The following CLSTN2 variants were observed in gnomAD, a reference collection of about 807,000 sequenced individuals.
CLSTN2 encodes calsyntenin 2.
CLSTN2 carries 48 observed loss-of-function variants against 101.2 expected under a neutral mutation model. The ratio of observed to expected loss-of-function variants is 0.47; its 90% CI spans 0.38 to 0.60. The LOEUF is 0.60. CLSTN2 is among the 20% of genes least tolerant of loss of function. CLSTN2 has a pLI of 0.00. For missense variants in CLSTN2, 1,160 were observed against 1,238.2 expected, an observed-to-expected ratio of 0.94 and a Z score of 0.95; for synonymous variants, 481 against 463.6, an observed-to-expected ratio of 1.04 and a Z score of -0.48.
intron 2 of CLSTN2, among the ~76,000 whole-genome samples, chr3:140,395,710 T>G (rs2088174634): frequency 6.6e-6 from 1 of 152,212 alleles, no homozygotes; most frequent in Non-Finnish European, 1.5e-5. Context: ...ATTCTGGACA[T>G]GATTACCTCT....
chr3:139,972,591 T>C (rs1415903857), intron 1 of CLSTN2, among the ~76,000 whole-genome samples: 1 of 152,170 alleles, frequency 6.6e-6, no homozygotes, highest in Non-Finnish European at 1.5e-5. Context: ...AGTTATTCAA[T>C]GGCTTATAAG....
chr3:140,444,693 C>T (rs1464044432), intron 5 of CLSTN2, among the ~76,000 whole-genome samples: 2 of 152,076 alleles, frequency 1.3e-5, no homozygotes, highest in African/African-American at 4.8e-5. Context: ...ACTGAAATGA[C>T]TCTGCATGTA....
intron 2 of CLSTN2, among the ~76,000 whole-genome samples, chr3:140,287,121 T>G (rs1286691705): frequency 6.6e-6 from 1 of 152,126 alleles, no homozygotes; most frequent in African/African-American, 2.4e-5. Context: ...CTTCCTGAAT[T>G]TTAAGGATGT....
At chr3:139,942,467 C>T (rs1935148178) in intron 1 of CLSTN2, among the ~76,000 whole-genome samples, 1 of 152,138 alleles carries the variant, frequency 6.6e-6, no homozygotes, top group Non-Finnish European at 1.5e-5. Context: ...ATATTGCCCT[C>T]TTCTGACTCC....
At chr3:140,039,085 A>G (rs1356695162) in intron 1 of CLSTN2, among the ~76,000 whole-genome samples, 3 of 152,194 alleles carry the variant, frequency 2.0e-5, no homozygotes, top group African/African-American at 4.8e-5. Flanking sequence ...AACCTCGTTC[A>G]TTCATCCAGT....
intron 12 of CLSTN2, among the ~76,000 whole-genome samples, chr3:140,561,282 T>C (rs140825591): frequency 0.022 from 3,363 of 152,306 alleles, 55 homozygotes; most frequent in Non-Finnish European, 0.036. Context: ...CCCCTTTTAA[T>C]GTCTATTAGG....
At chr3:140,365,024 T>G (rs923876244) in intron 2 of CLSTN2, among the ~76,000 whole-genome samples, 1 of 152,082 alleles carries the variant, frequency 6.6e-6, no homozygotes, top group Non-Finnish European at 1.5e-5. Flanking sequence ...TAATCCAACA[T>G]GAAGATGCCT....
chr3:140,292,612 T>C (rs2086965956), intron 2 of CLSTN2, among the ~76,000 whole-genome samples: 1 of 152,196 alleles, frequency 6.6e-6, no homozygotes, highest in Non-Finnish European at 1.5e-5. Context: ...GAGAAGAGAA[T>C]CATGCAAGTT....
intron 1 of CLSTN2, among the ~76,000 whole-genome samples, chr3:139,980,719 C>G (rs1056443950): frequency 1.3e-5 from 2 of 152,132 alleles, no homozygotes; most frequent in Non-Finnish European, 2.9e-5. Flanking sequence ...GATTTATCCA[C>G]AGCCCCAGAA....
At chr3:140,501,985 C>G (rs1934585399) in intron 8 of CLSTN2, among the ~76,000 whole-genome samples, 1 of 152,152 alleles carries the variant, frequency 6.6e-6, no homozygotes, top group South Asian at 2.1e-4. Context: ...ACATGTTATT[C>G]CACCTCTCTG....
In CLSTN2 at chr3:140,570,682, CA is replaced by C. The variant is rs1985505952; in HGVS notation, c.*4430del. On this transcript the variant is annotated 3_prime_UTR_variant, in exon 17 of 17. Coordinates refer to ENST00000458420, the MANE Select transcript of CLSTN2 (RefSeq NM_022131.3). The stretch of plus-strand genomic sequence containing the variant: ...AGGCAGTTTGGATTTATGTAATTTT[CA>C]TATCTTTTTTTACCCTTTTGATTTA... 6.6e-6 allele frequency: 1 copy of C among 151,896 alleles called. No individual in the cohort carries two copies. The highest frequency in any genetic ancestry group is 1.5e-5 in the Non-Finnish European group (1 of 68,026). The allele number at this position is 151,896 out of a possible 1,614,324, so 9.4% of individuals were successfully genotyped here. A position where few individuals can be genotyped will look rare whatever the true frequency, so the allele number is the denominator to read the frequency against.
intron 1 of CLSTN2, among the ~76,000 whole-genome samples, chr3:140,172,706 G>A (rs1576454929): frequency 6.6e-6 from 1 of 152,306 alleles, no homozygotes; most frequent in East Asian, 1.9e-4. Context: ...CACAATAATG[G>A]CAGAAGGCAA....
At chr3:139,986,048 C>A (rs1464012905) in intron 1 of CLSTN2, among the ~76,000 whole-genome samples, 1 of 152,158 alleles carries the variant, frequency 6.6e-6, no homozygotes, top group Non-Finnish European at 1.5e-5. Flanking sequence ...GATTATCTAG[C>A]ATTTCAGTTC....
intron 1 of CLSTN2, among the ~76,000 whole-genome samples, chr3:140,043,302 G>A (rs1345571491): frequency 6.6e-6 from 1 of 152,180 alleles, no homozygotes; most frequent in African/African-American, 2.4e-5. Flanking sequence ...TCATGTGTCT[G>A]TTGGCTGCAT....
At chr3:140,490,920 C>T (rs544689043) in intron 8 of CLSTN2, among the ~76,000 whole-genome samples, 1 of 152,176 alleles carries the variant, frequency 6.6e-6, no homozygotes, top group Admixed American at 6.5e-5. Flanking sequence ...TCACTAAGGG[C>T]TGTCCCATTT....
chr3:140,240,289 TAC>T (rs1293760229), intron 2 of CLSTN2, among the ~76,000 whole-genome samples: 10 of 20,642 alleles, frequency 4.8e-4, no homozygotes, highest in Non-Finnish European at 1.3e-3. Context: ...TATACATATA[TAC>T]ACATATATAT....
At chr3:140,171,627 T>G (rs35017516) in intron 1 of CLSTN2, among the ~76,000 whole-genome samples, 6 of 126,858 alleles carry the variant, frequency 4.7e-5, no homozygotes, top group African/African-American at 1.8e-4. Flanking sequence ...TTATATAATA[T>G]GTATTATATA....
At chr3:140,064,075 G>A (rs1230683265) in intron 1 of CLSTN2, among the ~76,000 whole-genome samples, 2 of 152,168 alleles carry the variant, frequency 1.3e-5, no homozygotes, top group Admixed American at 6.5e-5. Context: ...GTGAGCAAGC[G>A]TGAACAGATA....
intron 1 of CLSTN2, among the ~76,000 whole-genome samples, chr3:139,981,311 A>T (rs1385873031): frequency 1.3e-5 from 2 of 152,208 alleles, no homozygotes; most frequent in Admixed American, 1.3e-4. Context: ...GCTCTGTTCT[A>T]GGCAGTAGGG....
Sources: gnomAD v4.1 joint callset for allele counts (sites outside exome capture counted in the v4.1 genomes callset) on GRCh38, gnomAD v4.1.1 for gene constraint, MANE v1.5 for transcripts, NCBI Gene and HGNC (gene_info 2026-07-23, HGNC 2026-07-21) for gene names.